The following CTNNA3 variants were observed in gnomAD, a reference collection of about 807,000 sequenced individuals.
CTNNA3 encodes catenin alpha 3, also known as catenin alpha-3.
In CTNNA3, 76 loss-of-function variants were observed where a neutral mutation model predicts 95.7. The ratio of observed to expected loss-of-function variants is 0.79; its 90% CI spans 0.66 to 0.96. The LOEUF is 0.96. CTNNA3 is among the 40% of genes least tolerant of loss of function. CTNNA3 has a pLI of 0.00. For synonymous variants in CTNNA3, 431 were observed against 374.4 expected (o/e 1.15, Z -1.74); for missense variants, 1,191 against 1,089.8 (o/e 1.09, Z -1.31).
At chr10:67,530,362 C>T (rs1005988902) in intron 4 of CTNNA3, among the ~76,000 whole-genome samples, 6 of 152,142 alleles carry the variant, frequency 3.9e-5, no homozygotes, top group Non-Finnish European at 7.3e-5. Flanking sequence ...TAAGCATATG[C>T]GCAATAAAGC....
intron 7 of CTNNA3, among the ~76,000 whole-genome samples, chr10:66,878,083 T>C (rs971611719): frequency 6.6e-6 from 1 of 152,068 alleles, no homozygotes. Context: ...AGGAAAGCAA[T>C]AGCTTGGATA....
At chr10:67,708,786 T>C (rs1841091403) in intron 1 of CTNNA3, among the ~76,000 whole-genome samples, 1 of 152,140 alleles carries the variant, frequency 6.6e-6, no homozygotes, top group South Asian at 2.1e-4. Flanking sequence ...TGTAGAGTTT[T>C]ATTGTTTCTT....
intron 5 of CTNNA3, among the ~76,000 whole-genome samples, chr10:67,338,168 A>C (rs1842060347): frequency 6.6e-6 from 1 of 152,186 alleles, no homozygotes; most frequent in Non-Finnish European, 1.5e-5. Flanking sequence ...ATTGGTTCAC[A>C]GTTCTGCAGA....
At chr10:67,089,535 G>C (rs1357931153) in intron 7 of CTNNA3, among the ~76,000 whole-genome samples, 3 of 151,964 alleles carry the variant, frequency 2.0e-5, no homozygotes, top group Admixed American at 6.6e-5. Context: ...TATTATCTCT[G>C]TGGGGGAGTC....
chr10:65,962,337 T>C (rs879410569), intron 17 of CTNNA3, among the ~76,000 whole-genome samples: 2 of 152,108 alleles, frequency 1.3e-5, no homozygotes, highest in African/African-American at 2.4e-5. Context: ...CTTCCTTCTA[T>C]ATACACTGTT....
chr10:67,069,470 C>T (rs551604284), intron 7 of CTNNA3, among the ~76,000 whole-genome samples: 1 of 151,960 alleles, frequency 6.6e-6, no homozygotes, highest in Admixed American at 6.6e-5. Context: ...GTATACATAT[C>T]ATGATGGTGA....
chr10:67,372,754 C>T (rs1188289152), intron 5 of CTNNA3, among the ~76,000 whole-genome samples: 1 of 152,150 alleles, frequency 6.6e-6, no homozygotes, highest in Non-Finnish European at 1.5e-5. Context: ...CAAAGGGAAG[C>T]CCATCAGACT....
intron 7 of CTNNA3, among the ~76,000 whole-genome samples, chr10:66,891,533 A>G (rs1044913211): frequency 6.6e-6 from 1 of 152,168 alleles, no homozygotes; most frequent in Non-Finnish European, 1.5e-5. Context: ...ATAATCAGTC[A>G]ATTTGTTTTA....
intron 9 of CTNNA3, among the ~76,000 whole-genome samples, chr10:66,706,319 T>G (rs9633570): frequency 0.032 from 4,879 of 151,984 alleles, 205 homozygotes; most frequent in East Asian, 0.22. Flanking sequence ...CAGCTTTCAT[T>G]CAATTAATCT....
intron 10 of CTNNA3, among the ~76,000 whole-genome samples, chr10:66,605,741 T>G (rs1364671877): frequency 6.6e-6 from 1 of 152,142 alleles, no homozygotes; most frequent in African/African-American, 2.4e-5. Context: ...TAAGATCCTT[T>G]TCACACAAGC....
At chr10:66,146,632 C>A (rs1258186627) in intron 13 of CTNNA3, among the ~76,000 whole-genome samples, 1 of 152,164 alleles carries the variant, frequency 6.6e-6, no homozygotes, top group African/African-American at 2.4e-5. Flanking sequence ...TCTCAGGTCA[C>A]TGCAACCTCT....
chr10:67,395,839 A>T (rs1844687869), intron 5 of CTNNA3, among the ~76,000 whole-genome samples: 1 of 152,178 alleles, frequency 6.6e-6, no homozygotes, highest in Non-Finnish European at 1.5e-5. Context: ...CTACTTTACA[A>T]ACAAGAAAGT....
At chr10:66,576,081 G>A (rs1002797116) in intron 10 of CTNNA3, among the ~76,000 whole-genome samples, 2 of 152,088 alleles carry the variant, frequency 1.3e-5, no homozygotes, top group African/African-American at 2.4e-5. Flanking sequence ...GCACAAAGCA[G>A]TGTGTCCATT....
In CTNNA3 at chr10:66,962,423, T is replaced by TG. The variant is rs530127013; in HGVS notation, c.1048-186900_1048-186899insC. Among the ~76,000 whole-genome samples, 27 of 151,778 alleles carry TG rather than the reference T, an allele frequency of 1.8e-4. No homozygotes were observed. The East Asian group carries it at 2.9e-3, about 16-fold the overall frequency. On this transcript the variant is annotated intron_variant, in intron 7 of 17. Transcript: ENST00000433211. Reference sequence around the variant, plus strand: ...TGTTTTTTGTTTTTGTTTTTGTTTTTTTTTTGAGACAGAGTCTCACTCTGT... The same window carrying TG: ...TGTTTTTTGTTTTTGTTTTTGTTTTTGTTTTTGAGACAGAGTCTCACTCTGT...
At chr10:67,472,740 T>C (rs1370958406) in intron 5 of CTNNA3, among the ~76,000 whole-genome samples, 1 of 152,204 alleles carries the variant, frequency 6.6e-6, no homozygotes, top group African/African-American at 2.4e-5. Flanking sequence ...GCCTTCCTTT[T>C]GTTCCTTTGT....
chr10:66,717,072 A>G (rs1322927446), intron 9 of CTNNA3, among the ~76,000 whole-genome samples: 4 of 151,636 alleles, frequency 2.6e-5, no homozygotes, highest in African/African-American at 7.3e-5. Flanking sequence ...GGTATCCCCC[A>G]TAAGAAGGGA....
At chr10:67,271,612 C>A (rs1302054801) in intron 5 of CTNNA3, among the ~76,000 whole-genome samples, 4 of 152,144 alleles carry the variant, frequency 2.6e-5, no homozygotes, top group Admixed American at 2.6e-4. Flanking sequence ...TAGCTTGGAG[C>A]CCAAACAAGG....
intron 7 of CTNNA3, among the ~76,000 whole-genome samples, chr10:66,780,209 G>T (rs1840472823): frequency 6.6e-6 from 1 of 152,110 alleles, no homozygotes; most frequent in African/African-American, 2.4e-5. Context: ...AGTCATAGAA[G>T]TTAAGAAAAT....
chr10:66,608,990 GA>G lies in CTNNA3; in HGVS notation c.1374+12701del, dbSNP rs529601874. On this transcript the variant is annotated intron_variant, in intron 10 of 17. Transcript: ENST00000433211. ...CGCACAACAGAAGAAACATTCAACA[GA>G]GTGTAACAGAAAACTTACAGAATGG... 7.5e-3 allele frequency among the ~76,000 whole-genome samples: 1,137 copies of G among 152,182 alleles called. 10 individuals are homozygous for G. Among genetic ancestry groups the G allele is most frequent in the African/African-American group, 0.026 (1,098 of 41,518 alleles).
Sources: allele counts gnomAD v4.1 joint callset (sites outside exome capture counted in the v4.1 genomes callset), GRCh38; gene constraint gnomAD v4.1.1; transcripts MANE v1.5; gene names NCBI Gene and HGNC (gene_info 2026-07-23, HGNC 2026-07-21).